Variants in CALCRL observed in about 807,000 individuals in gnomAD.
The protein encoded by CALCRL is calcitonin receptor like receptor.
A neutral mutation model predicts 60.4 loss-of-function variants in CALCRL; 27 were observed. That is an observed-to-expected ratio of 0.45 (90% confidence interval 0.33 to 0.62). The LOEUF (loss-of-function observed/expected upper bound fraction) is 0.62. CALCRL is among the 20% of genes least tolerant of loss of function. The probability of loss-of-function intolerance (pLI) is 0.03; values close to 1 mark genes in which losing one functional copy is unlikely to be tolerated. For missense variants in CALCRL, 424 were observed against 540.7 expected, an observed-to-expected ratio of 0.78 and a Z score of 2.14; for synonymous variants, 190 against 182.6, an observed-to-expected ratio of 1.04 and a Z score of -0.33.
chr2:187,436,600 T>C (rs1574326287), intron 1 of CALCRL: 1 of 152,270 alleles, frequency 6.6e-6, no homozygotes, highest in East Asian at 1.9e-4. Context: ...ACACTTACCA[T>C]TGTCCCAGTC....
rs112618097 is a variant in CALCRL at position 187,419,408 on chromosome 2, A to C, written c.-293+28631T>G. Among the ~76,000 whole-genome samples the C allele has an allele frequency of 4.8e-3, 734 of 152,306 alleles. 4 individuals carry two copies. The highest frequency in any genetic ancestry group is 0.027 in the Middle Eastern group (8 of 294). Reference sequence around the variant, plus strand: ...AGGTGACCCTCTGCAAACAGAGAAGAGAGGCCTGAGGAGAATCCACACCTG... The same window carrying C: ...AGGTGACCCTCTGCAAACAGAGAAGCGAGGCCTGAGGAGAATCCACACCTG... On this transcript the variant is annotated intron_variant, in intron 1 of 14. Transcript: ENST00000392370.
chr2:187,373,801 A>G (rs563593976), intron 8 of CALCRL, among the ~76,000 whole-genome samples: 1 of 152,298 alleles, frequency 6.6e-6, no homozygotes, highest in South Asian at 2.1e-4. Context: ...AAATGAAAGA[A>G]CATGTTCCAC....
chr2:187,385,617 G>T lies in CALCRL; in HGVS notation c.-22C>A. ...CCATCATTAAGCCAAAATGAAATAT[G>T]CTGTATAACATAAACTGCAACAGAA... On this transcript the variant is annotated 5_prime_UTR_variant, in exon 4 of 15. Coordinates refer to ENST00000392370, the MANE Select transcript of CALCRL (RefSeq NM_005795.6). The T allele has an allele frequency of 1.3e-6, 2 of 1,528,836 alleles. No homozygotes were observed. The highest frequency in any genetic ancestry group is 1.8e-6 in the Non-Finnish European group (2 of 1,118,476). 94.7% of individuals were successfully genotyped at this position (1,528,836 alleles called of 1,614,324 possible). A position where few individuals can be genotyped will look rare whatever the true frequency, so the allele number is the denominator to read the frequency against.
chr2:187,372,294 T>G (rs1232529393), intron 8 of CALCRL, among the ~76,000 whole-genome samples: 1 of 151,112 alleles, frequency 6.6e-6, no homozygotes, highest in Non-Finnish European at 1.5e-5. Context: ...AAAATATAAT[T>G]TGTAACTAAT....
intron 9 of CALCRL, among the ~76,000 whole-genome samples, chr2:187,363,005 G>T (rs1483064441): frequency 6.6e-6 from 1 of 152,086 alleles, no homozygotes; most frequent in African/African-American, 2.4e-5. Flanking sequence ...TAAATATTAT[G>T]TAGTGATAAA....
chr2:187,399,098 G>C (rs976321098), intron 1 of CALCRL, among the ~76,000 whole-genome samples: 19 of 151,506 alleles, frequency 1.3e-4, no homozygotes, highest in South Asian at 2.1e-4. Context: ...TCACTTTGCT[G>C]GGTCTTCGTT....
intron 8 of CALCRL, among the ~76,000 whole-genome samples, chr2:187,366,034 G>T (rs1306288843): frequency 6.6e-6 from 1 of 151,586 alleles, no homozygotes; most frequent in East Asian, 1.9e-4. Flanking sequence ...ATGAGGTCAG[G>T]AGATCGAGAC....
chr2:187,374,457 T>C (rs1029307363), intron 8 of CALCRL, among the ~76,000 whole-genome samples: 4 of 152,106 alleles, frequency 2.6e-5, no homozygotes, highest in African/African-American at 9.7e-5. Context: ...TAAAATTAGG[T>C]GTGAGACTAG....
At chr2:187,380,842 G>C in intron 5 of CALCRL, 55 bp from the exon 6 acceptor site, 2 of 1,383,526 alleles carry the variant, frequency 1.4e-6, no homozygotes, top group Admixed American at 3.8e-5. Context: ...TATACATGAA[G>C]ACATAGTTTT....
At chr2:187,418,917 G>A (rs1389989726) in intron 1 of CALCRL, among the ~76,000 whole-genome samples, 2 of 142,990 alleles carry the variant, frequency 1.4e-5, no homozygotes, top group Non-Finnish European at 3.0e-5. Context: ...GTGCAGTGGC[G>A]TGATCTCGGC....
chr2:187,378,412 C>T (rs1470384578), intron 8 of CALCRL, among the ~76,000 whole-genome samples: 2 of 152,056 alleles, frequency 1.3e-5, no homozygotes, highest in Non-Finnish European at 2.9e-5. Flanking sequence ...CTGACTCTTC[C>T]TCCTCAAAAT....
chr2:187,431,464 T>C, intron 1 of CALCRL: 1 of 154,902 alleles, frequency 6.5e-6, no homozygotes, highest in Non-Finnish European at 1.5e-5. Context: ...GTGTGTTTCT[T>C]TGTTAAAACC....
intron 12 of CALCRL, among the ~76,000 whole-genome samples, chr2:187,354,049 A>G (rs1221913872): frequency 2.6e-5 from 4 of 151,992 alleles, no homozygotes; most frequent in South Asian, 4.1e-4. Flanking sequence ...TAATCCCTTC[A>G]TCTTACTTTA....
intron 1 of CALCRL, among the ~76,000 whole-genome samples, chr2:187,432,726 G>A (rs1426263770): frequency 2.0e-5 from 3 of 152,000 alleles, no homozygotes; most frequent in East Asian, 3.8e-4. Context: ...TTGTACATTG[G>A]CAAAAAGTCT....
chr2:187,371,942 C>G (rs1278602655), intron 8 of CALCRL, among the ~76,000 whole-genome samples: 1 of 152,052 alleles, frequency 6.6e-6, no homozygotes, highest in Non-Finnish European at 1.5e-5. Flanking sequence ...AATACAAGCA[C>G]TAACAGGTTA....
chr2:187,403,423 A>T lies in CALCRL; in HGVS notation c.-292-15667T>A, dbSNP rs184778604. Among the ~76,000 whole-genome samples the T allele has an allele frequency of 1.8e-4, 28 of 152,042 alleles. 1 individual carries two copies. The highest frequency in any genetic ancestry group is 1.4e-3 in the Admixed American group (22 of 15,220). On this transcript the variant is annotated intron_variant, in intron 1 of 14. Transcript: ENST00000392370. The stretch of plus-strand genomic sequence containing the variant: ...TCTGCACAGTTCTGTAGATCAGCAA[A>T]GGAGGGCCTTGAAATAGAAGTTTCA...
intron 1 of CALCRL, among the ~76,000 whole-genome samples, chr2:187,438,704 T>A (rs940651132): frequency 1.3e-5 from 2 of 152,156 alleles, no homozygotes; most frequent in Non-Finnish European, 2.9e-5. Flanking sequence ...GGGAAAGGCT[T>A]CAACATTTTA....
intron 8 of CALCRL, among the ~76,000 whole-genome samples, chr2:187,365,421 A>T (rs758742269): frequency 4.1e-4 from 62 of 152,286 alleles, no homozygotes; most frequent in Admixed American, 1.6e-3. Context: ...CTGCTTATCC[A>T]TGCAAATATA....
chr2:187,427,121 G>A (rs1047489833), intron 1 of CALCRL, among the ~76,000 whole-genome samples: 3 of 152,124 alleles, frequency 2.0e-5, no homozygotes, highest in Admixed American at 6.6e-5. Context: ...GGAGGGAGAC[G>A]TAGGTAAAAG....
Sources: gnomAD v4.1 joint callset for allele counts (sites outside exome capture counted in the v4.1 genomes callset) on GRCh38, gnomAD v4.1.1 for gene constraint, MANE v1.5 for transcripts, NCBI Gene and HGNC (gene_info 2026-07-23, HGNC 2026-07-21) for gene names.